The following F13A1 variants were observed in gnomAD, a reference collection of about 807,000 sequenced individuals.
F13A1 encodes coagulation factor XIII A chain.
In F13A1, 47 loss-of-function variants were observed where a neutral mutation model predicts 80.1. That is an observed-to-expected ratio of 0.59 (90% confidence interval 0.46 to 0.75). The LOEUF (loss-of-function observed/expected upper bound fraction) is 0.75, where lower values mean the gene tolerates loss of function less well. F13A1 is among the 30% of genes least tolerant of loss of function. The pLI is 0.00. For synonymous variants in F13A1, 349 were observed against 344.9 expected (o/e 1.01, Z -0.13); for missense variants, 817 against 930.4 (o/e 0.88, Z 1.59).
intron 3 of F13A1, among the ~76,000 whole-genome samples, chr6:6,279,252 G>A (rs1758029138): frequency 2.6e-5 from 4 of 152,074 alleles, no homozygotes; most frequent in Admixed American, 2.6e-4. Flanking sequence ...CTTGGCATGA[G>A]TTTAAACAAG....
intron 3 of F13A1, among the ~76,000 whole-genome samples, chr6:6,287,674 T>A (rs1284160756): frequency 6.6e-6 from 1 of 152,092 alleles, no homozygotes; most frequent in Admixed American, 6.5e-5. Context: ...TCTGCAGACA[T>A]GATGTGGGTG....
intron 13 of F13A1, among the ~76,000 whole-genome samples, chr6:6,152,754 G>A (rs556580063): frequency 5.1e-4 from 78 of 152,316 alleles, no homozygotes; most frequent in Non-Finnish European, 4.4e-4. Flanking sequence ...TGTGTTTACT[G>A]TATGCCACAC....
intron 10 of F13A1, among the ~76,000 whole-genome samples, chr6:6,184,046 A>C (rs1761035473): frequency 6.6e-6 from 1 of 152,268 alleles, no homozygotes; most frequent in South Asian, 2.1e-4. Flanking sequence ...ACTTTCTCAC[A>C]GAATGTTCTG....
At chr6:6,205,706 G>C (rs552430387) in intron 8 of F13A1, among the ~76,000 whole-genome samples, 1 of 151,654 alleles carries the variant, frequency 6.6e-6, no homozygotes, top group Non-Finnish European at 1.5e-5. Context: ...GTGTGATTAC[G>C]TGTTTTATTA....
At chr6:6,213,035 G>A (rs1339845156) in intron 8 of F13A1, among the ~76,000 whole-genome samples, 1 of 152,168 alleles carries the variant, frequency 6.6e-6, no homozygotes, top group Non-Finnish European at 1.5e-5. Context: ...TATGTGAAAA[G>A]ACCAAATCTA....
In F13A1 at chr6:6,222,071, A is replaced by G. The variant is rs1175438861; in HGVS notation, c.1074T>C (p.Asp358=). 2 of 1,613,986 alleles carry G rather than the reference A, an allele frequency of 1.2e-6. No individual in the cohort carries two copies. Among genetic ancestry groups the G allele is most frequent in the Non-Finnish European group, 1.7e-6 (2 of 1,179,980 alleles). The part of the protein sequence containing the change: ...NLQMDIFLEE[D]GNVNSKLTKD... ...TGGTGAGTTTGGAATTCACGTTCCC[A>G]TCTTCTTCCAGGAAGATGTCCATTT... The change falls in exon 8 of 15, where the codon GAT becomes GAC. Residue 358 remains aspartate, a synonymous_variant. Coordinates refer to ENST00000264870, the MANE Select transcript of F13A1 (RefSeq NM_000129.4).
intron 3 of F13A1, among the ~76,000 whole-genome samples, chr6:6,273,310 G>A (rs1757946072): frequency 6.6e-6 from 1 of 152,190 alleles, no homozygotes; most frequent in South Asian, 2.1e-4. Context: ...AAATGTCAGT[G>A]AGGCTGAACT....
chr6:6,145,669 G>T lies in F13A1; in HGVS notation c.2149C>A (p.His717Asn). 1.5e-5 allele frequency: 24 copies of T among 1,614,156 alleles called. No individual in the cohort carries two copies. Among genetic ancestry groups the T allele is most frequent in the Non-Finnish European group, 2.0e-5 (24 of 1,180,018 alleles). The change falls in exon 15 of 15, where the codon CAT becomes AAT. Residue 717 changes from histidine (H) to asparagine (N), a missense_variant. By Grantham distance (68) the His-to-Asn change is moderately conservative. Coordinates refer to ENST00000264870, the MANE Select transcript of F13A1 (RefSeq NM_000129.4). ...IASMSSDSLR[H>N]VYGELDVQIQ... is the part of the protein sequence containing the mutation. Reference sequence around the variant, plus strand: ...TGCACGTCCAGCTCGCCATACACATGTCTCAGGGAGTCACTGCTCATGCTG... The same window carrying T: ...TGCACGTCCAGCTCGCCATACACATTTCTCAGGGAGTCACTGCTCATGCTG...
chr6:6,217,449 A>G (rs541257425), intron 8 of F13A1, among the ~76,000 whole-genome samples: 61 of 148,146 alleles, frequency 4.1e-4, no homozygotes, highest in South Asian at 4.1e-3. Flanking sequence ...AACACCGCAT[A>G]TTCTCACTCA....
intron 3 of F13A1, among the ~76,000 whole-genome samples, chr6:6,267,128 T>C (rs1328307615): frequency 6.6e-6 from 1 of 152,178 alleles, no homozygotes; most frequent in African/African-American, 2.4e-5. Flanking sequence ...GTAGGCATAT[T>C]GTCAGAGAGA....
At chr6:6,287,227 T>C (rs1039884012) in intron 3 of F13A1, among the ~76,000 whole-genome samples, 4 of 152,200 alleles carry the variant, frequency 2.6e-5, no homozygotes, top group Non-Finnish European at 5.9e-5. Context: ...TTAAATATTT[T>C]CCCCCACCTT....
At chr6:6,200,934 A>G (rs1327902207) in intron 8 of F13A1, among the ~76,000 whole-genome samples, 1 of 152,124 alleles carries the variant, frequency 6.6e-6, no homozygotes, top group African/African-American at 2.4e-5. Context: ...TGTATGTTAG[A>G]CAATGACTCT....
chr6:6,145,029 T>G lies in F13A1; in HGVS notation c.*590A>C, dbSNP rs1057237084. The G allele has an allele frequency of 6.3e-6, 1 of 159,950 alleles. No homozygotes were observed. The highest frequency in any genetic ancestry group is 1.4e-5 in the Non-Finnish European group (1 of 72,418). 9.9% of individuals were successfully genotyped at this position (159,950 alleles called of 1,614,324 possible). A position where few individuals can be genotyped will look rare whatever the true frequency, so the allele number is the denominator to read the frequency against. ...TTTGTTAATATGGGGCCACCTCTTC[T>G]AACAAGGTAAATCTAAAATTTGGCA... is the stretch of plus-strand genomic sequence containing the variant. On this transcript the variant is annotated 3_prime_UTR_variant, in exon 15 of 15. Coordinates refer to ENST00000264870, the MANE Select transcript of F13A1 (RefSeq NM_000129.4).
rs1385365883 is a variant in F13A1, at chr6:6,145,346, A to G, written c.*273T>C. 9 of 467,166 alleles carry G rather than the reference A, an allele frequency of 1.9e-5. No homozygotes were observed. The highest frequency in any genetic ancestry group is 1.1e-4 in the South Asian group (5 of 46,930). The allele number at this position is 467,166 out of a possible 1,614,324, so 28.9% of individuals were successfully genotyped here. A position where few individuals can be genotyped will look rare whatever the true frequency, so the allele number is the denominator to read the frequency against. On this transcript the variant is annotated 3_prime_UTR_variant, in exon 15 of 15. Coordinates refer to ENST00000264870, the MANE Select transcript of F13A1 (RefSeq NM_000129.4). The stretch of plus-strand genomic sequence containing the variant: ...TAGCCATTTGTGATGATAAATGATG[A>G]CTGTTACTCTTATGAGCTATGAGAG...
intron 13 of F13A1, 102 bp from the exon 14 acceptor site, chr6:6,152,051 A>C: frequency 6.8e-7 from 1 of 1,462,146 alleles, no homozygotes; most frequent in Non-Finnish European, 9.4e-7. Flanking sequence ...TGATACAGTT[A>C]TTTTTTTGGC....
At position 6,162,320 on chromosome 6, in the gene F13A1, TA is replaced by T. The variant is rs1486019021; in HGVS notation, c.1908+5137del. On this transcript the variant is annotated intron_variant, in intron 13 of 14. Transcript: ENST00000264870. This position sits in a 1 kb window ranked among gnomAD's most constrained non-coding sequence, Gnocchi z 4.2. ...TACATACTGCCGTCCACCTCCCCTC[TA>T]GCCCTTGCTAACATTTTCTTCCTAG... Among the ~76,000 whole-genome samples the T allele has an allele frequency of 1.3e-5, 2 of 152,212 alleles. No individual in the cohort carries two copies. Among genetic ancestry groups the T allele is most frequent in the Non-Finnish European group, 1.5e-5 (1 of 68,038 alleles).
intron 2 of F13A1, among the ~76,000 whole-genome samples, chr6:6,310,522 T>C (rs1013310059): frequency 3.3e-5 from 5 of 150,532 alleles, no homozygotes; most frequent in African/African-American, 9.7e-5. Context: ...ATTGTTGTTG[T>C]TATTATTATT....
chr6:6,171,302 T>G (rs12201668), intron 12 of F13A1, among the ~76,000 whole-genome samples: 19,799 of 152,238 alleles, frequency 0.13, 1,384 homozygotes, highest in Admixed American at 0.16. Flanking sequence ...CATTGCTGTG[T>G]GGGGGCTTGA....
chr6:6,147,672 TA>T (rs1434979878), intron 14 of F13A1, among the ~76,000 whole-genome samples: 1 of 152,122 alleles, frequency 6.6e-6, no homozygotes, highest in Non-Finnish European at 1.5e-5. Context: ...GTACTGTAGA[TA>T]ACCACCTCAA....
Sources: gnomAD v4.1 joint callset for allele counts (sites outside exome capture counted in the v4.1 genomes callset) on GRCh38, gnomAD v4.1.1 for gene constraint, Gnocchi (gnomAD v3.1) non-coding constraint, MANE v1.5 for transcripts, NCBI Gene and HGNC (gene_info 2026-07-23, HGNC 2026-07-21) for gene names.